The following KLF7 variants were observed in gnomAD, a reference collection of about 807,000 sequenced individuals.
KLF7 encodes KLF transcription factor 7.
KLF7 carries 2 observed loss-of-function variants against 27.3 expected under a neutral mutation model. The observed-to-expected ratio is 0.07, with a 90% CI of 0.03 to 0.23. The LOEUF is 0.23. Among genes scored for constraint, KLF7 ranks in the 10% least tolerant of loss-of-function variants. KLF7 has a pLI of 1.00. For synonymous variants in KLF7, 165 were observed against 162.4 expected (o/e 1.02, Z -0.12); for missense variants, 221 against 394.1 (o/e 0.56, Z 3.72).
intron 1 of KLF7, among the ~76,000 whole-genome samples, chr2:207,131,619 C>T (rs1396290390): frequency 1.3e-5 from 2 of 152,188 alleles, no homozygotes; most frequent in Non-Finnish European, 2.9e-5. Flanking sequence ...TCTCTGACTC[C>T]AGAAACCAAC....
chr2:207,119,952 C>G (rs1224815422), intron 2 of KLF7, among the ~76,000 whole-genome samples: 3 of 152,188 alleles, frequency 2.0e-5, no homozygotes, highest in Non-Finnish European at 4.4e-5. Context: ...CCTAGGCCTC[C>G]CAAAGTGCTA....
At chr2:207,134,150 T>TG in intron 1 of KLF7, 2 of 1,429,260 alleles carry the variant, frequency 1.4e-6, no homozygotes, top group Non-Finnish European at 1.8e-6. Context: ...CTCGGGCTAC[T>TG]GGGATTTTTT....
At chr2:207,141,572 T>C (rs540603732) in intron 1 of KLF7, among the ~76,000 whole-genome samples, 1 of 152,292 alleles carries the variant, frequency 6.6e-6, no homozygotes, top group Non-Finnish European at 1.5e-5. Context: ...CTCATCGATA[T>C]CATGTAGAAA....
chr2:207,161,820 T>C (rs1410661512), intron 1 of KLF7, among the ~76,000 whole-genome samples: 1 of 152,070 alleles, frequency 6.6e-6, no homozygotes, highest in East Asian at 1.9e-4. Flanking sequence ...AATAGGGGAA[T>C]GGGGGAGGAG....
At chr2:207,117,498 A>C (rs1440278716) in intron 2 of KLF7, among the ~76,000 whole-genome samples, 1 of 152,186 alleles carries the variant, frequency 6.6e-6, no homozygotes. Context: ...ATCGGGGTTT[A>C]ATGAGTTTCT....
chr2:207,137,987 C>A (rs1347081041), intron 1 of KLF7, among the ~76,000 whole-genome samples: 1 of 152,188 alleles, frequency 6.6e-6, no homozygotes, highest in Non-Finnish European at 1.5e-5. Context: ...GGAAAAAAAT[C>A]AAGTGCTGAG....
At chr2:207,139,896 C>T (rs7579913) in intron 1 of KLF7, among the ~76,000 whole-genome samples, 44,010 of 151,798 alleles carry the variant, frequency 0.29, 6,716 homozygotes, top group Middle Eastern at 0.37. Context: ...TTTTTCTTTT[C>T]TGAGACAAGA....
intron 2 of KLF7, among the ~76,000 whole-genome samples, chr2:207,120,011 A>G (rs1253902578): frequency 1.3e-5 from 2 of 152,018 alleles, no homozygotes; most frequent in Admixed American, 6.6e-5. Context: ...CCATTTTTAT[A>G]TGCTTCCTTT....
At chr2:207,138,813 G>A (rs941429978) in intron 1 of KLF7, among the ~76,000 whole-genome samples, 1 of 152,214 alleles carries the variant, frequency 6.6e-6, no homozygotes, top group African/African-American at 2.4e-5. Context: ...TTTCTCTGCT[G>A]AGAATCCTGG....
chr2:207,081,488 C>G (rs2076270566), intron 3 of KLF7, among the ~76,000 whole-genome samples: 1 of 152,214 alleles, frequency 6.6e-6, no homozygotes, highest in Non-Finnish European at 1.5e-5. Context: ...CCTGTCTGTA[C>G]TTTAATTCCT....
At chr2:207,125,572 C>T (rs1359294894) in intron 1 of KLF7, among the ~76,000 whole-genome samples, 1 of 152,116 alleles carries the variant, frequency 6.6e-6, no homozygotes, top group Non-Finnish European at 1.5e-5. Flanking sequence ...TAATGATATA[C>T]CTAGTAGTGT....
chr2:207,105,658 C>T (rs2076865620), intron 2 of KLF7, among the ~76,000 whole-genome samples: 1 of 152,182 alleles, frequency 6.6e-6, no homozygotes, highest in Admixed American at 6.5e-5. Context: ...CCATGTTGGG[C>T]TGTTTCCTCC....
At chr2:207,147,936 G>A (rs556010981) in intron 1 of KLF7, among the ~76,000 whole-genome samples, 1 of 152,272 alleles carries the variant, frequency 6.6e-6, no homozygotes, top group East Asian at 1.9e-4. Context: ...TTCCAATAAA[G>A]CTAACTGCAG....
At chr2:207,166,981 C>G (rs1254454755), upstream of KLF7, 4 of 823,848 alleles carry the variant, frequency 4.9e-6, no homozygotes, top group African/African-American at 3.6e-5. Context: ...CCTTCTGACC[C>G]CGAGCGAGAG....
At chr2:207,116,499 C>T (rs1413348003) in intron 2 of KLF7, among the ~76,000 whole-genome samples, 1 of 152,074 alleles carries the variant, frequency 6.6e-6, no homozygotes, top group African/African-American at 2.4e-5. Flanking sequence ...ATAGAAAATC[C>T]CTGCCTACCA....
chr2:207,135,493 G>A (rs1248461096), intron 1 of KLF7, among the ~76,000 whole-genome samples: 2 of 152,090 alleles, frequency 1.3e-5, no homozygotes, highest in Non-Finnish European at 2.9e-5. Flanking sequence ...CATCTAAAAC[G>A]TAAACTTCAC....
intron 1 of KLF7, among the ~76,000 whole-genome samples, chr2:207,143,990 C>T (rs2078020846): frequency 6.6e-6 from 1 of 152,052 alleles, no homozygotes; most frequent in Non-Finnish European, 1.5e-5. Context: ...CGCTCTCTGC[C>T]TTGGTGGAGA....
upstream of KLF7, among the ~76,000 whole-genome samples, chr2:207,170,631 C>T (rs2078778368): frequency 6.6e-6 from 1 of 152,134 alleles, no homozygotes; most frequent in Non-Finnish European, 1.5e-5. Context: ...AGGCAATGCT[C>T]ATTTACCATT....
At chr2:207,135,787 G>T (rs1371488564) in intron 1 of KLF7, among the ~76,000 whole-genome samples, 1 of 151,832 alleles carries the variant, frequency 6.6e-6, no homozygotes, top group Non-Finnish European at 1.5e-5. Context: ...AACTATAGGT[G>T]TTATTTACTT....
Sources: allele counts gnomAD v4.1 joint callset (sites outside exome capture counted in the v4.1 genomes callset), GRCh38; gene constraint gnomAD v4.1.1; transcripts MANE v1.5; gene names NCBI Gene and HGNC (gene_info 2026-07-23, HGNC 2026-07-21).